The following PCDHGA3 variants were observed in gnomAD, a reference collection of about 807,000 sequenced individuals.
The protein encoded by PCDHGA3 is protocadherin gamma-A3.
A neutral mutation model predicts 58.5 loss-of-function variants in PCDHGA3; 40 were observed. The observed-to-expected ratio is 0.68, with a 90% CI of 0.53 to 0.89. The LOEUF is 0.89. Among genes scored for constraint, PCDHGA3 ranks in the 40% least tolerant of loss-of-function variants. The probability of loss-of-function intolerance (pLI) is 0.00; values close to 1 mark genes in which losing one functional copy is unlikely to be tolerated. For synonymous variants in PCDHGA3, 530 were observed against 525.7 expected (o/e 1.01, Z -0.11); for missense variants, 1,223 against 1,195.9 (o/e 1.02, Z -0.33).
rs756761584 is a variant in PCDHGA3 at position 141,476,545 on chromosome 5, G to A, written c.2425-18262G>A. 13 of 1,614,230 alleles carry A rather than the reference G, an allele frequency of 8.1e-6. No homozygotes were observed. The Admixed American group carries it at 2.2e-4, about 27-fold the overall frequency. On this transcript the variant is annotated intron_variant, in intron 1 of 3. Coordinates refer to ENST00000253812, the MANE Select transcript of PCDHGA3 (RefSeq NM_018916.4). This position sits in a 1 kb window ranked among gnomAD's most constrained non-coding sequence, Gnocchi z 7.6. ...TCCCTACCCAGGAAATGAAATTGGA[G>A]ATTAGCGAGGCCGTGGCTCCGGGGA...
Position 141,351,345 on chromosome 5 carries a change from T to C in PCDHGA3, c.2424+4888T>C, listed in dbSNP as rs768098006. On this transcript the variant is annotated intron_variant, in intron 1 of 3. Transcript: ENST00000253812. ...GAGGATTCAGACCTTGGAACTGTAA[T>C]AGCCCTCATAAAAGTGCGAGACAAG... The C allele has an allele frequency of 6.8e-6, 11 of 1,613,492 alleles. No individual in the cohort carries two copies. The highest frequency in any genetic ancestry group is 8.5e-6 in the Non-Finnish European group (10 of 1,179,632).
intron 1 of PCDHGA3, chr5:141,427,891 G>A (rs767506033): frequency 1.3e-6 from 2 of 1,566,658 alleles, no homozygotes; most frequent in South Asian, 2.2e-5. Context: ...CACGACCAGG[G>A]CTCGCCCGCG....
At chr5:141,419,528 G>A (rs966922299) in intron 1 of PCDHGA3, 10 of 1,612,056 alleles carry the variant, frequency 6.2e-6, no homozygotes, top group Admixed American at 1.7e-5. Flanking sequence ...CGACCGTAAC[G>A]ACAACGCACC....
chr5:141,393,799 G>C lies in PCDHGA3; in HGVS notation c.2424+47342G>C, dbSNP rs2092846945. ...GCCGAAGATGTGGGGGCACTTCTGG[G>C]GAGGACCAAATTGCTCATTTCGGTG... On this transcript the variant is annotated intron_variant, in intron 1 of 3. Transcript: ENST00000253812. 2.5e-6 allele frequency: 4 copies of C among 1,613,802 alleles called. No homozygotes were observed. The highest frequency in any genetic ancestry group is 2.5e-6 in the Non-Finnish European group (3 of 1,179,888).
intron 1 of PCDHGA3, chr5:141,383,852 A>G (rs1162643765): frequency 1.9e-6 from 3 of 1,613,966 alleles, no homozygotes; most frequent in East Asian, 4.5e-5. Context: ...TATGAAATGG[A>G]GGTTCAGGCT....
At position 141,486,905 on chromosome 5, in the gene PCDHGA3, C is replaced by G. The variant is rs1463391292; in HGVS notation, c.2425-7902C>G. On this transcript the variant is annotated intron_variant, in intron 1 of 3. Coordinates refer to ENST00000253812, the MANE Select transcript of PCDHGA3 (RefSeq NM_018916.4). This position sits in a 1 kb window ranked among gnomAD's most constrained non-coding sequence, Gnocchi z 5.0. ...GGCCCGGCCTGGTTCCTTATGTCCC[C>G]AAGCACTGCCTCCATCAGTTGGTGC... 1 of 1,614,250 alleles carries G rather than the reference C, an allele frequency of 6.2e-7. No individual in the cohort carries two copies. The highest frequency in any genetic ancestry group is 1.3e-5 in the African/African-American group (1 of 75,066).
chr5:141,366,043 T>C (rs1041453851), intron 1 of PCDHGA3: 3 of 1,614,242 alleles, frequency 1.9e-6, no homozygotes, highest in African/African-American at 2.7e-5. Flanking sequence ...CCACAGACGG[T>C]TCCACGGGCG....
chr5:141,403,262 G>C (rs1162911439), intron 1 of PCDHGA3: 1 of 1,613,868 alleles, frequency 6.2e-7, no homozygotes, highest in Middle Eastern at 1.6e-4. Context: ...GCGGTGTCTG[G>C]TGAACTTTAA....
chr5:141,446,775 T>C (rs1175892018), intron 1 of PCDHGA3, among the ~76,000 whole-genome samples: 2 of 152,188 alleles, frequency 1.3e-5, no homozygotes, highest in Admixed American at 6.5e-5. Context: ...CCGGTTACCA[T>C]TCTTTTACTC....
chr5:141,392,931 G>A (rs2092632355), intron 1 of PCDHGA3: 2 of 1,613,802 alleles, frequency 1.2e-6, no homozygotes, highest in Admixed American at 1.7e-5. Context: ...AGAAGAGACG[G>A]ACAAAGGCTC....
chr5:141,388,355 C>T (rs1204433407), intron 1 of PCDHGA3: 6 of 1,613,954 alleles, frequency 3.7e-6, no homozygotes, highest in Non-Finnish European at 5.1e-6. Flanking sequence ...TAGGATCTGC[C>T]CATGATGCGG....
intron 1 of PCDHGA3, chr5:141,399,855 C>A (rs773247537): frequency 2.5e-6 from 4 of 1,612,892 alleles, no homozygotes; most frequent in Non-Finnish European, 2.5e-6. Context: ...TGGTGCCGCG[C>A]GCTGCAGAGC....
At chr5:141,459,945 G>T (rs113794146) in intron 1 of PCDHGA3, among the ~76,000 whole-genome samples, 54 of 152,164 alleles carry the variant, frequency 3.5e-4, no homozygotes, top group Middle Eastern at 3.2e-3. Flanking sequence ...GGGCGTGATG[G>T]CAGGTGCCTG....
At chr5:141,398,500 G>A (rs1366423528) in intron 1 of PCDHGA3, 1 of 1,607,950 alleles carries the variant, frequency 6.2e-7, no homozygotes, top group African/African-American at 1.4e-5. Context: ...GGAGATCGAG[G>A]ACATTAATGA....
At chr5:141,428,455 T>C (rs898393760) in intron 1 of PCDHGA3, 61 of 361,572 alleles carry the variant, frequency 1.7e-4, no homozygotes, top group African/African-American at 1.2e-3. Context: ...TTTTCCCAAC[T>C]ACAATGAGGG....
At chr5:141,419,739 G>A (rs200899065) in intron 1 of PCDHGA3, 179 of 1,613,652 alleles carry the variant, frequency 1.1e-4, no homozygotes, top group Admixed American at 2.5e-4. Context: ...GGCGAGGTGC[G>A]CATGGTGCGT....
chr5:141,485,124 C>T lies in PCDHGA3; in HGVS notation c.2425-9683C>T. The T allele has an allele frequency of 7.2e-7, 1 of 1,390,146 alleles. No individual in the cohort carries two copies. The highest frequency in any genetic ancestry group is 1.0e-6 in the Non-Finnish European group (1 of 990,090). The allele number at this position is 1,390,146 out of a possible 1,614,324, so 86.1% of individuals were successfully genotyped here. ...GCTGCTGTGGCTGTTTGGGGCGGGT[C>T]GGCTTCATCCGCGTCTCAGGAGCAA... On this transcript the variant is annotated intron_variant, in intron 1 of 3. Coordinates refer to ENST00000253812, the MANE Select transcript of PCDHGA3 (RefSeq NM_018916.4). The surrounding 1 kb of genome is among the most constrained non-coding windows in gnomAD (Gnocchi z 5.7).
In PCDHGA3 at chr5:141,365,826, C is replaced by A. The variant is rs775602102; in HGVS notation, c.2424+19369C>A. The A allele has an allele frequency of 2.5e-6, 4 of 1,613,906 alleles. No homozygotes were observed. In the East Asian group the frequency reaches 6.7e-5, roughly 27 times the overall value. ...CTGGCTGAAGACACATTTCAGGGGGCGCCCTTGTCCTCCTATGTATCCATT... is the reference window on the plus strand; with the variant it reads ...CTGGCTGAAGACACATTTCAGGGGGAGCCCTTGTCCTCCTATGTATCCATT... On this transcript the variant is annotated intron_variant, in intron 1 of 3. Coordinates refer to ENST00000253812, the MANE Select transcript of PCDHGA3 (RefSeq NM_018916.4).
chr5:141,477,560 T>C lies in PCDHGA3; in HGVS notation c.2425-17247T>C, dbSNP rs2099412994. The C allele has an allele frequency of 1.2e-6, 2 of 1,614,078 alleles. No homozygotes were observed. Among genetic ancestry groups the C allele is most frequent in the South Asian group, 2.2e-5 (2 of 91,094 alleles). ...GGCTCCAATACTAAACCTAAGTGTC[T>C]GGGACCCCGACGCCCCGCAGAATGC... On this transcript the variant is annotated intron_variant, in intron 1 of 3. Transcript: ENST00000253812. This position sits in a 1 kb window ranked among gnomAD's most constrained non-coding sequence, Gnocchi z 4.9.
Sources: gnomAD v4.1 joint callset for allele counts (sites outside exome capture counted in the v4.1 genomes callset) on GRCh38, gnomAD v4.1.1 for gene constraint, Gnocchi (gnomAD v3.1) non-coding constraint, MANE v1.5 for transcripts, NCBI Gene and HGNC (gene_info 2026-07-23, HGNC 2026-07-21) for gene names.